Variants in WDR41 observed in about 807,000 individuals in gnomAD.
The protein encoded by WDR41 is WD repeat-containing protein 41.
Under a neutral mutation model 69.3 loss-of-function variants are expected in WDR41, and 63 were observed. The observed-to-expected ratio is 0.91, with a 90% CI of 0.74 to 1.12. The LOEUF (loss-of-function observed/expected upper bound fraction) is 1.12. Among genes scored for constraint, WDR41 ranks in the 50% most tolerant of loss-of-function variants. The pLI, the probability that WDR41 is intolerant of heterozygous loss-of-function variation, is 0.00. For synonymous variants in WDR41, 185 were observed against 192.1 expected, an observed-to-expected ratio of 0.96 and a Z score of 0.31; for missense variants, 543 against 534.5, an observed-to-expected ratio of 1.02 and a Z score of -0.16.
At chr5:77,443,963 A>G (rs891240247) in intron 8 of WDR41, among the ~76,000 whole-genome samples, 1 of 145,492 alleles carries the variant, frequency 6.9e-6, no homozygotes, top group Non-Finnish European at 1.5e-5. Flanking sequence ...GCTCCCTGTA[A>G]CCTCCACCTC....
chr5:77,485,454 C>T (rs1801471720), intron 2 of WDR41, among the ~76,000 whole-genome samples: 1 of 152,204 alleles, frequency 6.6e-6, no homozygotes, highest in South Asian at 2.1e-4. Context: ...CCTAGAGGCA[C>T]ATTTTGTTCT....
In WDR41 at chr5:77,550,642, C is replaced by T. The variant is rs114094331; in HGVS notation, c.43-61070G>A. The stretch of plus-strand genomic sequence containing the variant: ...CTTATACACTGTTGGTGGGAATGTA[C>T]GAATTAGTTTAATCACTGTGGAATG... On this transcript the variant is annotated intron_variant, in intron 1 of 5. Coordinates refer to the WDR41 transcript ENST00000509971. Among the ~76,000 whole-genome samples the T allele has an allele frequency of 5.8e-3, 888 of 152,228 alleles. 5 individuals carry two copies. Among genetic ancestry groups the T allele is most frequent in the South Asian group, 9.5e-3 (46 of 4,830 alleles).
intron 2 of WDR41, among the ~76,000 whole-genome samples, chr5:77,470,077 C>A (rs1800505339): frequency 6.6e-6 from 1 of 150,972 alleles, no homozygotes; most frequent in African/African-American, 2.5e-5. Context: ...AACAGCAGAT[C>A]TCTTGGCAGA....
chr5:77,565,953 A>C (rs1277141691), intron 1 of WDR41, among the ~76,000 whole-genome samples: 2 of 152,186 alleles, frequency 1.3e-5, no homozygotes, highest in Non-Finnish European at 2.9e-5. Flanking sequence ...TTGACTTCTT[A>C]CTGCATAGCA....
intron 4 of WDR41, among the ~76,000 whole-genome samples, chr5:77,461,097 T>C (rs1459802169): frequency 2.6e-5 from 4 of 152,190 alleles, no homozygotes; most frequent in Non-Finnish European, 5.9e-5. Context: ...CCTCAAAATA[T>C]TGCTATAGTG....
At chr5:77,599,197 C>CTTTTTT (rs34759217) in intron 1 of WDR41, among the ~76,000 whole-genome samples, 81 of 76,172 alleles carry the variant, frequency 1.1e-3, no homozygotes, top group Middle Eastern at 0.01. Flanking sequence ...ATCGGAAGCT[C>CTTTTTT]TTTTTTTTTT....
chr5:77,616,115 C>T (rs916056165), intron 1 of WDR41, among the ~76,000 whole-genome samples: 2 of 151,768 alleles, frequency 1.3e-5, no homozygotes, highest in African/African-American at 4.8e-5. Flanking sequence ...TATAAACCCA[C>T]TCTGTCTTTT....
intron 1 of WDR41, among the ~76,000 whole-genome samples, chr5:77,576,465 A>G: frequency 6.6e-6 from 1 of 152,254 alleles, no homozygotes; most frequent in East Asian, 1.9e-4. Flanking sequence ...TGACCAGGGC[A>G]ACACCATTTA....
At chr5:77,533,649 G>T (rs538455287) in intron 1 of WDR41, among the ~76,000 whole-genome samples, 1 of 152,056 alleles carries the variant, frequency 6.6e-6, no homozygotes, top group African/African-American at 2.4e-5. Context: ...GGATGATGAT[G>T]GTTGTGTGCT....
chr5:77,607,884 T>A (rs984888909), intron 1 of WDR41, among the ~76,000 whole-genome samples: 7 of 152,240 alleles, frequency 4.6e-5, no homozygotes, highest in African/African-American at 1.4e-4. Flanking sequence ...ACTCCTTCCA[T>A]TCTCATTTAA....
At chr5:77,502,041 G>A (rs1802024227) in intron 1 of WDR41, among the ~76,000 whole-genome samples, 1 of 152,070 alleles carries the variant, frequency 6.6e-6, no homozygotes, top group Non-Finnish European at 1.5e-5. Context: ...ACAGAAATAG[G>A]CTTCAGAAAG....
chr5:77,602,001 A>G (rs1333543641), intron 1 of WDR41, among the ~76,000 whole-genome samples: 2 of 152,214 alleles, frequency 1.3e-5, no homozygotes, highest in Non-Finnish European at 2.9e-5. Context: ...TGAAATATAC[A>G]AAACATTGTT....
intron 1 of WDR41, among the ~76,000 whole-genome samples, chr5:77,531,884 A>C (rs140504411): frequency 0.011 from 1,737 of 152,180 alleles, 24 homozygotes; most frequent in African/African-American, 0.039. Flanking sequence ...CCATTCATAT[A>C]AAATATCCAA....
chr5:77,604,933 T>A (rs1744389164), intron 1 of WDR41, among the ~76,000 whole-genome samples: 1 of 149,726 alleles, frequency 6.7e-6, no homozygotes, highest in African/African-American at 2.6e-5. Context: ...AAAGAACATA[T>A]AATCAAATTG....
chr5:77,527,501 T>C (rs959073439), intron 1 of WDR41, among the ~76,000 whole-genome samples: 3 of 151,858 alleles, frequency 2.0e-5, no homozygotes, highest in Non-Finnish European at 4.4e-5. Flanking sequence ...AAAGCAAATG[T>C]TACAGGACTA....
chr5:77,581,154 G>T (rs1449376343), intron 1 of WDR41, among the ~76,000 whole-genome samples: 1 of 151,584 alleles, frequency 6.6e-6, no homozygotes, highest in African/African-American at 2.4e-5. Context: ...AAAGTAAAAA[G>T]GTAAAAATTA....
intron 1 of WDR41, among the ~76,000 whole-genome samples, chr5:77,534,476 C>T (rs930721152): frequency 1.8e-4 from 28 of 152,102 alleles, no homozygotes; most frequent in Admixed American, 1.8e-3. Flanking sequence ...CACTGTCACC[C>T]AGGCTGGAGT....
intron 1 of WDR41, among the ~76,000 whole-genome samples, chr5:77,615,311 A>G (rs186658335): frequency 1.3e-5 from 2 of 152,330 alleles, no homozygotes; most frequent in East Asian, 3.9e-4. Context: ...CATTTATTTT[A>G]TTGGGTGCAA....
At chr5:77,473,847 G>A (rs1800753106) in intron 2 of WDR41, among the ~76,000 whole-genome samples, 1 of 151,672 alleles carries the variant, frequency 6.6e-6, no homozygotes, top group South Asian at 2.1e-4. Context: ...ACTGTTGGTG[G>A]GACTTCAACC....
Sources: gnomAD v4.1 joint callset for allele counts (sites outside exome capture counted in the v4.1 genomes callset) on GRCh38, gnomAD v4.1.1 for gene constraint, MANE v1.5 for transcripts, NCBI Gene and HGNC (gene_info 2026-07-23, HGNC 2026-07-21) for gene names.